Variants in E4F1 observed in about 807,000 individuals in gnomAD.
E4F1 encodes the protein transcription factor E4F1.
Under a neutral mutation model 72.9 loss-of-function variants are expected in E4F1, and 30 were observed. The observed-to-expected ratio is 0.41, with a 90% CI of 0.31 to 0.56. The LOEUF (loss-of-function observed/expected upper bound fraction) is 0.56. Among genes scored for constraint, E4F1 ranks in the 20% least tolerant of loss-of-function variants. E4F1 has a pLI of 0.25. For missense variants in E4F1, 1,091 were observed against 1,117.5 expected (o/e 0.98, Z 0.34); for synonymous variants, 542 against 478.2 (o/e 1.13, Z -1.74).
Position 2,223,628 on chromosome 16 carries a change from G to A in E4F1, c.15G>A (p.Met5Ile). 1 of 1,589,828 alleles carries A rather than the reference G, an allele frequency of 6.3e-7. No homozygotes were observed. Among genetic ancestry groups the A allele is most frequent in the Non-Finnish European group, 8.5e-7 (1 of 1,173,670 alleles). ...CGCGTTGCGACATGGAGGGCGCGAT[G>A]GCAGTGCGGGTGACGGCCGCTCATA... MEGA[M>I]AVRVTAAHTA... Residue 5 changes from methionine (M) to isoleucine (I), a missense_variant, in exon 1 of 14, where the codon ATG becomes ATA. Physicochemically the swap from Met to Ile is conservative, Grantham distance 10. Transcript: ENST00000301727.
intron 1 of E4F1, among the ~76,000 whole-genome samples, chr16:2,226,267 T>C (rs572408189): frequency 1.3e-5 from 2 of 152,262 alleles, no homozygotes; most frequent in African/African-American, 4.8e-5. Context: ...AGGAGTCCCT[T>C]TAGAGGTTGC....
At chr16:2,224,235 A>C (rs557523344) in intron 1 of E4F1, among the ~76,000 whole-genome samples, 62 of 152,304 alleles carry the variant, frequency 4.1e-4, no homozygotes, top group East Asian at 7.7e-4. Flanking sequence ...AGCCTAGTGC[A>C]AGAGGGCTGG....
At chr16:2,224,994 C>G (rs79253733) in intron 1 of E4F1, among the ~76,000 whole-genome samples, 1 of 151,864 alleles carries the variant, frequency 6.6e-6, no homozygotes, top group East Asian at 1.9e-4. Flanking sequence ...GGGTGGATCA[C>G]CTGAGGTCAG....
At chr16:2,234,485 A>C in intron 10 of E4F1, 97 bp downstream of exon 10, 1 of 1,563,798 alleles carries the variant, frequency 6.4e-7, no homozygotes, top group South Asian at 1.1e-5. Flanking sequence ...CACCATGCTC[A>C]GTCTTGACCC....
rs1404768964 is a variant in E4F1, at chr16:2,223,705, C to A, written c.92C>A (p.Ala31Glu). The A allele has an allele frequency of 6.4e-7, 1 of 1,560,720 alleles. No individual in the cohort carries two copies. Among genetic ancestry groups the A allele is most frequent in the Non-Finnish European group, 8.6e-7 (1 of 1,164,084 alleles). Residue 31 changes from alanine (A) to glutamate (E), a missense_variant, in exon 1 of 14, where the codon GCG becomes GAG. Physicochemically the swap from Ala to Glu is moderately radical, Grantham distance 107. This residue lies in a region of E4F1 where 362 missense variants were observed against 358.6 expected (regional missense o/e 1.01). Coordinates refer to ENST00000301727, the MANE Select transcript of E4F1 (RefSeq NM_004424.5). Reference protein sequence around the residue: ...AGREAGEGAVAAVAAALAPSG... With the variant: ...AGREAGEGAVEAVAAALAPSG... ...CGGGAAGCGGGCGAGGGTGCAGTTG[C>A]GGCGGTGGCGGCGGCCTTGGCCCCC... is the stretch of plus-strand genomic sequence containing the variant.
In E4F1 at chr16:2,233,488, C is replaced by T. The variant is rs1371299869; in HGVS notation, c.1107C>T (p.Asn369=). ...LPCSSEGSRE[N]LLHQAMQNSG... ...GCTCCAGCGAGGGCAGCCGTGAGAA[C>T]CTGCTGCACCAGGCCATGCAGAACT... Residue 369 remains asparagine, a synonymous_variant, in exon 8 of 14, where the codon AAC becomes AAT. Coordinates refer to ENST00000301727, the MANE Select transcript of E4F1 (RefSeq NM_004424.5). 4.6e-6 allele frequency: 7 copies of T among 1,507,132 alleles called. No homozygotes were observed. In the South Asian group the frequency reaches 5.3e-5, roughly 11 times the overall value. The allele number at this position is 1,507,132 out of a possible 1,614,324, so 93.4% of individuals were successfully genotyped here. A position where few individuals can be genotyped will look rare whatever the true frequency, so the allele number is the denominator to read the frequency against.
intron 1 of E4F1, among the ~76,000 whole-genome samples, chr16:2,225,720 C>T (rs58700030): frequency 1.3e-5 from 2 of 150,916 alleles, no homozygotes; most frequent in Admixed American, 1.3e-4. Context: ...GATCTGCCCG[C>T]CTCAGCCTCC....
At chr16:2,233,411 A>G (rs781105800) in intron 7 of E4F1, 27 bp from the exon 8 acceptor site, 2 of 1,501,002 alleles carry the variant, frequency 1.3e-6, no homozygotes, top group Non-Finnish European at 1.8e-6. Flanking sequence ...CTGCCTGGCC[A>G]GCCTCCTCTC....
At chr16:2,231,617 G>C (rs1189670780) in intron 3 of E4F1, 1 of 154,388 alleles carries the variant, frequency 6.5e-6, no homozygotes, top group East Asian at 1.9e-4. Flanking sequence ...CAAAAGCCCA[G>C]CTTCCTCGCC....
Position 2,223,655 on chromosome 16 carries a change from G to T in E4F1, c.42G>T (p.Thr14=). 1 of 1,589,052 alleles carries T rather than the reference G, an allele frequency of 6.3e-7. No homozygotes were observed. Residue 14 remains threonine, a synonymous_variant, in exon 1 of 14, where the codon ACG becomes ACT. Coordinates refer to ENST00000301727, the MANE Select transcript of E4F1 (RefSeq NM_004424.5). ...CAGTGCGGGTGACGGCCGCTCATAC[G>T]GCAGAAGCCCAGGCCGAAGCCGGGC... ...AMAVRVTAAH[T]AEAQAEAGRE...
At position 2,235,205 on chromosome 16, in the gene E4F1, T is replaced by C; in HGVS notation, c.1999-11T>C. 16 of 1,609,346 alleles carry C rather than the reference T, an allele frequency of 9.9e-6. No individual in the cohort carries two copies. Among genetic ancestry groups the C allele is most frequent in the Non-Finnish European group, 1.4e-5 (16 of 1,178,646 alleles). On this transcript the variant is annotated splice_polypyrimidine_tract_variant and intron_variant, in intron 13 of 13. Coordinates refer to ENST00000301727, the MANE Select transcript of E4F1 (RefSeq NM_004424.5). The stretch of plus-strand genomic sequence containing the variant: ...TGGCACAGCCGCTCTTGCTGAGCCG[T>C]GGCCCTGCAGGTGGACAGCCACATC...
rs755691762 is a variant in E4F1, at chr16:2,231,983, CCT to C, written c.416-184_416-183del. On this transcript the variant is annotated intron_variant, in intron 3 of 13. Coordinates refer to ENST00000301727, the MANE Select transcript of E4F1 (RefSeq NM_004424.5). ...GACAGAGTCGGGAGGTGTCTCTCCA[CCT>C]CTCACTCTGACCTGGAGAGGTGAAT... The C allele has an allele frequency of 2.9e-4, 199 of 686,990 alleles. 1 individual carries two copies. Among genetic ancestry groups the C allele is most frequent in the Non-Finnish European group, 4.3e-4 (176 of 412,364 alleles). The allele number at this position is 686,990 out of a possible 1,614,324, so 42.6% of individuals were successfully genotyped here.
intron 5 of E4F1, 66 bp from the exon 6 acceptor site, chr16:2,232,690 C>T (rs1246112103): frequency 6.2e-7 from 1 of 1,608,314 alleles, no homozygotes; most frequent in Non-Finnish European, 8.5e-7. Context: ...CCCTGCCTGC[C>T]TTCGCCTTGT....
chr16:2,235,469 T>G lies in E4F1; in HGVS notation c.2252T>G (p.Val751Gly). ...AGTSGTEQAT[V>G]TMVSSEDIEI... The stretch of plus-strand genomic sequence containing the variant: ...ACAAGTGGCACTGAACAGGCCACTG[T>G]GACCATGGTGTCATCAGAGGACATC... Residue 751 changes from valine (V) to glycine (G), a missense_variant, in exon 14 of 14, where the codon GTG becomes GGG. This residue lies in a region of E4F1 where 622 missense variants were observed against 628.0 expected (regional missense o/e 0.99). Transcript: ENST00000301727. 6.2e-7 allele frequency: 1 copy of G among 1,612,424 alleles called. No homozygotes were observed. The highest frequency in any genetic ancestry group is 8.5e-7 in the Non-Finnish European group (1 of 1,179,738).
Position 2,233,079 on chromosome 16 carries a change from T to G in E4F1, c.952T>G (p.Ser318Ala). The G allele has an allele frequency of 6.2e-7, 1 of 1,612,630 alleles. No homozygotes were observed. Residue 318 changes from serine to alanine, a missense_variant, in exon 7 of 14, where the codon TCA (serine) becomes GCA (alanine). Transcript: ENST00000301727. ...GGTGACAGGCGAGCCTATAGAGACT[T>G]CACCCGTGATTCACCTGGTGACAGA... The part of the protein sequence containing the change: ...SSVTGEPIET[S>A]PVIHLVTDAK...
chr16:2,229,818 C>A, intron 3 of E4F1, 143 bp downstream of exon 3: 2 of 803,038 alleles, frequency 2.5e-6, no homozygotes, highest in Non-Finnish European at 4.0e-6. Context: ...AGCCTTTCTG[C>A]GGGCACAGCC....
chr16:2,232,387 A>C (rs754597262), intron 4 of E4F1, 23 bp downstream of exon 4: 5 of 1,601,876 alleles, frequency 3.1e-6, no homozygotes, highest in African/African-American at 1.3e-5. Context: ...GCGGGGAGCC[A>C]GTGTGTGGGT....
In E4F1 at chr16:2,228,482, C is replaced by G. The variant is rs1173677365; in HGVS notation, c.268C>G (p.Leu90Val). 6.2e-7 allele frequency: 1 copy of G among 1,612,968 alleles called. No individual in the cohort carries two copies. Among genetic ancestry groups the G allele is most frequent in the Non-Finnish European group, 8.5e-7 (1 of 1,179,928 alleles). Residue 90 changes from leucine to valine, a missense_variant, in exon 2 of 14, where the codon CTG (leucine) becomes GTG (valine). Leu to Val is a conservative substitution (Grantham distance 32). Transcript: ENST00000301727. ...KACQRAPPEA[L>V]PATPATTALL... ...CTGCCAGCGGGCCCCTCCGGAGGCCCTGCCTGCCACCCCTGCCACCACAGC... is the reference window on the plus strand; with the variant it reads ...CTGCCAGCGGGCCCCTCCGGAGGCCGTGCCTGCCACCCCTGCCACCACAGC...
Position 2,233,606 on chromosome 16 carries a change from GC to G in E4F1, c.1229del (p.Pro410ArgfsTer181). 6.6e-7 allele frequency: 1 copy of G among 1,509,526 alleles called. No individual in the cohort carries two copies. The allele number at this position is 1,509,526 out of a possible 1,614,324, so 93.5% of individuals were successfully genotyped here. ...GSSPQPLAVA[A>X]PQLPVLEVQP... ...CAGTCCCCAGCCCCTGGCAGTGGCAGCCCCGCAGCTGCCGGTACTGGAAGTG... is the reference window on the plus strand; with the variant it reads ...CAGTCCCCAGCCCCTGGCAGTGGCAGCCCGCAGCTGCCGGTACTGGAAGTG... On this transcript the variant is annotated frameshift_variant, in exon 8 of 14. Coordinates refer to ENST00000301727, the MANE Select transcript of E4F1 (RefSeq NM_004424.5). LOFTEE classifies it high-confidence loss of function.
Sources: allele counts gnomAD v4.1 joint callset (sites outside exome capture counted in the v4.1 genomes callset), GRCh38; gene constraint gnomAD v4.1.1; regional missense constraint gnomAD v4.1.1; transcripts MANE v1.5; gene names NCBI Gene and HGNC (gene_info 2026-07-23, HGNC 2026-07-21).